Variants in KICS2 observed in about 807,000 individuals in gnomAD.
The protein encoded by KICS2 is KICSTOR complex protein C12orf66.
In KICS2, 13 loss-of-function variants were observed where a neutral mutation model predicts 31.4. That is an observed-to-expected ratio of 0.41 (90% CI 0.27 to 0.66). KICS2 has a LOEUF of 0.66. Ranked by LOEUF, KICS2 falls within the 30% of genes least tolerant of loss-of-function variation. KICS2 has a pLI of 0.28. For synonymous variants in KICS2, 209 were observed against 214.8 expected (o/e 0.97, Z 0.24); for missense variants, 455 against 545.4 (o/e 0.83, Z 1.65).
chr12:64,206,582 G>C (rs980351291), intron 2 of KICS2, among the ~76,000 whole-genome samples: 34 of 152,208 alleles, frequency 2.2e-4, no homozygotes, highest in African/African-American at 8.0e-4. Flanking sequence ...CCATAGAGGA[G>C]ATGGCATTTG....
At chr12:64,201,624 A>AC (rs1343050727) in intron 2 of KICS2, among the ~76,000 whole-genome samples, 1 of 147,972 alleles carries the variant, frequency 6.8e-6, no homozygotes, top group Non-Finnish European at 1.5e-5. Context: ...AAAAAGAAAA[A>AC]AAAAAAAAAC....
intron 2 of KICS2, among the ~76,000 whole-genome samples, chr12:64,205,305 T>TTATCTTTA (rs2037526301): frequency 6.6e-6 from 1 of 152,210 alleles, no homozygotes; most frequent in Non-Finnish European, 1.5e-5. Flanking sequence ...GCTCAACACT[T>TTATCTTTA]ATTAAAGATA....
At chr12:64,202,882 G>A (rs557087974) in intron 2 of KICS2, among the ~76,000 whole-genome samples, 1 of 152,074 alleles carries the variant, frequency 6.6e-6, no homozygotes, top group South Asian at 2.1e-4. Flanking sequence ...AGGGACCCTA[G>A]ATAAGTGAGC....
intron 2 of KICS2, among the ~76,000 whole-genome samples, chr12:64,209,290 A>G (rs2037564490): frequency 6.6e-6 from 1 of 152,146 alleles, no homozygotes; most frequent in Non-Finnish European, 1.5e-5. Context: ...TATGCTTAAT[A>G]ATGTTATAAA....
chr12:64,202,464 C>T (rs1284231647), intron 2 of KICS2, among the ~76,000 whole-genome samples: 2 of 151,812 alleles, frequency 1.3e-5, no homozygotes, highest in South Asian at 4.2e-4. Flanking sequence ...TGACCAAGTA[C>T]CTGCACACAT....
rs374744035 is a variant in KICS2 at position 64,194,268 on chromosome 12, G to A, written c.912C>T (p.Phe304=). 3.1e-6 allele frequency: 5 copies of A among 1,614,222 alleles called. No individual in the cohort carries two copies. The highest frequency in any genetic ancestry group is 4.2e-6 in the Non-Finnish European group (5 of 1,180,038). Residue 304 remains phenylalanine (F), a synonymous_variant, in exon 3 of 3, where the codon TTC becomes TTT. Transcript: ENST00000398055. ...NPDFFGKISS[F]IRKYDAANVS... ...CATTGGCAGCATCATATTTTCTGAT[G>A]AAGCTGGAAATCTTTCCAAAAAAGT...
At chr12:64,218,596 A>C (rs868255941) in intron 1 of KICS2, among the ~76,000 whole-genome samples, 1 of 152,180 alleles carries the variant, frequency 6.6e-6, no homozygotes, top group Non-Finnish European at 1.5e-5. Context: ...TGGGAGCTTC[A>C]AATACTACAA....
At chr12:64,203,592 AC>A (rs1440996015) in intron 2 of KICS2, among the ~76,000 whole-genome samples, 1 of 152,208 alleles carries the variant, frequency 6.6e-6, no homozygotes, top group Non-Finnish European at 1.5e-5. Context: ...TGTTAATGAA[AC>A]GGACGCTTCT....
rs1424072621 is a variant in KICS2 at position 64,213,039 on chromosome 12, G to A, written c.521+2639C>T. ...CTGGAGGTAGAGGTTGCAGTTTGCT[G>A]AGATCATGTCACTGCACTCCCGCCT... On this transcript the variant is annotated intron_variant, in intron 2 of 2. Coordinates refer to ENST00000398055, the MANE Select transcript of KICS2 (RefSeq NM_152440.5). Among the ~76,000 whole-genome samples the A allele has an allele frequency of 3.4e-5, 5 of 148,194 alleles. No homozygotes were observed. In the East Asian group the frequency reaches 9.9e-4, roughly 29 times the overall value.
downstream of KICS2, among the ~76,000 whole-genome samples, chr12:64,190,840 G>T (rs1043956338): frequency 3.3e-5 from 5 of 152,054 alleles, no homozygotes; most frequent in African/African-American, 1.2e-4. Flanking sequence ...CAAGGGTATT[G>T]GCTCCTTGGT....
At chr12:64,189,943 C>G (rs939239888), downstream of KICS2, among the ~76,000 whole-genome samples, 4 of 151,894 alleles carry the variant, frequency 2.6e-5, no homozygotes, top group Admixed American at 2.6e-4. Flanking sequence ...AAATACCTCG[C>G]TCAGTAATTG....
downstream of KICS2, among the ~76,000 whole-genome samples, chr12:64,190,119 T>C (rs1321383587): frequency 6.6e-6 from 1 of 152,220 alleles, no homozygotes; most frequent in Non-Finnish European, 1.5e-5. Flanking sequence ...AAACCAGTTC[T>C]CTTTCAAACA....
chr12:64,195,918 G>C (rs1232814256), intron 2 of KICS2, among the ~76,000 whole-genome samples: 1 of 152,182 alleles, frequency 6.6e-6, no homozygotes, highest in Admixed American at 6.5e-5. Context: ...CGCACCACGA[G>C]ATTATATCCC....
chr12:64,187,663 A>G (rs902282322), downstream of KICS2: 8 of 1,535,094 alleles, frequency 5.2e-6, no homozygotes, highest in East Asian at 1.5e-4. Context: ...CTGGTAGAAA[A>G]GTAGAGAGGG....
chr12:64,216,428 T>C (rs1465568805), intron 1 of KICS2, among the ~76,000 whole-genome samples: 1 of 152,228 alleles, frequency 6.6e-6, no homozygotes, highest in African/African-American at 2.4e-5. Context: ...ACTATTTTTA[T>C]TCCTGCTGTG....
chr12:64,202,101 C>T (rs2037495704), intron 2 of KICS2, among the ~76,000 whole-genome samples: 1 of 152,048 alleles, frequency 6.6e-6, no homozygotes, highest in African/African-American at 2.4e-5. Flanking sequence ...TTGTTCTAGA[C>T]AAAATGTATA....
intron 2 of KICS2, among the ~76,000 whole-genome samples, chr12:64,209,808 C>T (rs2037568358): frequency 6.6e-6 from 1 of 152,098 alleles, no homozygotes; most frequent in African/African-American, 2.4e-5. Flanking sequence ...TTTTTTAATA[C>T]AAAGGTATTT....
chr12:64,211,588 C>T (rs1471111526), intron 2 of KICS2, among the ~76,000 whole-genome samples: 1 of 152,136 alleles, frequency 6.6e-6, no homozygotes, highest in Non-Finnish European at 1.5e-5. Flanking sequence ...CACTGCACTC[C>T]AGCCTGGGCA....
chr12:64,207,197 G>A (rs1399041279), intron 2 of KICS2, among the ~76,000 whole-genome samples: 1 of 151,074 alleles, frequency 6.6e-6, no homozygotes, highest in Admixed American at 6.6e-5. Flanking sequence ...CCAGCTACTC[G>A]GGAGGCTGAG....
Sources: allele counts gnomAD v4.1 joint callset (sites outside exome capture counted in the v4.1 genomes callset), GRCh38; gene constraint gnomAD v4.1.1; transcripts MANE v1.5; gene names NCBI Gene and HGNC (gene_info 2026-07-23, HGNC 2026-07-21).